Variants in FOXR2 observed in about 807,000 individuals in gnomAD.
The protein encoded by FOXR2 is forkhead box R2.
For missense variants in FOXR2, 234 were observed against 227.1 expected (o/e 1.03, Z -0.20); for synonymous variants, 109 against 84.1 (o/e 1.30, Z -1.62).
chrX:55,623,932 G>C lies in FOXR2; in HGVS notation c.221G>C (p.Cys74Ser), dbSNP rs1399122544. 2.2e-5 allele frequency: 27 copies of C among 1,209,604 alleles called. No individual in the cohort carries two copies. The highest frequency in any genetic ancestry group is 2.5e-5 in the Non-Finnish European group (22 of 895,029). The change falls in exon 1 of 1, where the codon TGT becomes TCT. Residue 74 changes from cysteine (C) to serine (S), a missense_variant. Physicochemically the swap from Cys to Ser is moderately radical, Grantham distance 112. Transcript: ENST00000339140. ...RPSPDGDGPP[C>S]EPNLWMWVDP... ...AGTCCTGATGGAGATGGTCCTCCCTGTGAACCCAATCTGTGGATGTGGGTG... is the reference window on the plus strand; with the variant it reads ...AGTCCTGATGGAGATGGTCCTCCCTCTGAACCCAATCTGTGGATGTGGGTG...
rs1379844729 is a variant in FOXR2 at position 55,624,800 on chromosome X, G to T, written c.*153G>T. 1.1e-5 allele frequency: 5 copies of T among 450,208 alleles called. No individual in the cohort carries two copies. The Admixed American group carries it at 2.1e-4, about 19-fold the overall frequency. The allele number at this position is 450,208 out of a possible 1,213,427, so 37.1% of individuals were successfully genotyped here. Reference sequence around the variant, plus strand: ...TGGTGTTAAGTAAAGTTAGAGGTGGGTACAGGGGAGACAGAACTTAAATCC... The same window carrying T: ...TGGTGTTAAGTAAAGTTAGAGGTGGTTACAGGGGAGACAGAACTTAAATCC... On this transcript the variant is annotated 3_prime_UTR_variant, in exon 1 of 1. Coordinates refer to ENST00000339140, the MANE Select transcript of FOXR2 (RefSeq NM_198451.4).
At position 55,624,807 on chromosome X, in the gene FOXR2, G is replaced by T; in HGVS notation, c.*160G>T. 1 of 441,218 alleles carries T rather than the reference G, an allele frequency of 2.3e-6. No homozygotes were observed. The highest frequency in any genetic ancestry group is 5.4e-5 in the South Asian group (1 of 18,667). The allele number at this position is 441,218 out of a possible 1,213,427, so 36.4% of individuals were successfully genotyped here. A position where few individuals can be genotyped will look rare whatever the true frequency, so the allele number is the denominator to read the frequency against. ...AAGTAAAGTTAGAGGTGGGTACAGGGGAGACAGAACTTAAATCCAGGTGGA... is the reference window on the plus strand; with the variant it reads ...AAGTAAAGTTAGAGGTGGGTACAGGTGAGACAGAACTTAAATCCAGGTGGA... On this transcript the variant is annotated 3_prime_UTR_variant, in exon 1 of 1. Coordinates refer to ENST00000339140, the MANE Select transcript of FOXR2 (RefSeq NM_198451.4).
In FOXR2 at chrX:55,624,279, T is replaced by G; in HGVS notation, c.568T>G (p.Trp190Gly). The G allele has an allele frequency of 8.2e-7, 1 of 1,212,209 alleles. No homozygotes were observed. The highest frequency in any genetic ancestry group is 1.1e-6 in the Non-Finnish European group (1 of 895,613). The stretch of plus-strand genomic sequence containing the variant: ...GCAAATCAACAACCAAGAGAAGTCC[T>G]GGCAAAGGCCCCCTCTCAATTGTAG... ...LWQINNQEKS[W>G]QRPPLNCSHL... The change falls in exon 1 of 1, where the codon TGG becomes GGG. Residue 190 changes from tryptophan (W) to glycine (G), a missense_variant. Transcript: ENST00000339140.
Position 55,625,974 on chromosome X carries a change from C to T in FOXR2, c.*1327C>T, listed in dbSNP as rs2032338394. ...GGGGTACAAAAACGCCTGTAAGCTACAAAAGCAATTAATTCAATATAATTG... is the reference window on the plus strand; with the variant it reads ...GGGGTACAAAAACGCCTGTAAGCTATAAAAGCAATTAATTCAATATAATTG... On this transcript the variant is annotated 3_prime_UTR_variant, in exon 1 of 1. Transcript: ENST00000339140. 9.0e-6 allele frequency among the ~76,000 whole-genome samples: 1 copy of T among 111,202 alleles called. No individual in the cohort carries two copies. Among genetic ancestry groups the T allele is most frequent in the Admixed American group, 9.6e-5 (1 of 10,370 alleles).
Position 55,624,429 on chromosome X carries a change from A to G in FOXR2, c.718A>G (p.Ile240Val). The part of the protein sequence containing the change: ...WTAPDGWKST[I>V]HYNLCFLDSF... ...AGCTCCGGATGGCTGGAAGAGCACC[A>G]TTCATTACAACCTCTGCTTCCTGGA... The change falls in exon 1 of 1, where the codon ATT becomes GTT. Residue 240 changes from isoleucine (I) to valine (V), a missense_variant. Ile to Val is a conservative substitution (Grantham distance 29). Coordinates refer to ENST00000339140, the MANE Select transcript of FOXR2 (RefSeq NM_198451.4). 1 of 1,211,819 alleles carries G rather than the reference A, an allele frequency of 8.3e-7. No individual in the cohort carries two copies. The highest frequency in any genetic ancestry group is 1.8e-5 in the South Asian group (1 of 57,014).
chrX:55,625,416 G>C lies in FOXR2; in HGVS notation c.*769G>C, dbSNP rs946011426. On this transcript the variant is annotated 3_prime_UTR_variant, in exon 1 of 1. Coordinates refer to ENST00000339140, the MANE Select transcript of FOXR2 (RefSeq NM_198451.4). The stretch of plus-strand genomic sequence containing the variant: ...ATAAAAAGCTGAGGGATACTAGTGG[G>C]AGACATATTTATAATGTAAATATGA... 8 of 114,207 alleles carry C rather than the reference G, an allele frequency of 7.0e-5. No individual in the cohort carries two copies. Among genetic ancestry groups the C allele is most frequent in the Non-Finnish European group, 1.3e-4 (7 of 53,195 alleles). 9.4% of individuals were successfully genotyped at this position (114,207 alleles called of 1,213,427 possible).
At position 55,624,158 on chromosome X, in the gene FOXR2, CA is replaced by C. The variant is rs761058333; in HGVS notation, c.448del (p.Ser150ValfsTer23). On this transcript the variant is annotated frameshift_variant, in exon 1 of 1. Transcript: ENST00000339140. LOFTEE classifies it low-confidence loss of function (END_TRUNC). ...PLQKQGIHSP[S>X]DFELTEEEAE... is the part of the protein sequence containing the mutation. ...TACAGAAGCAGGGTATCCATTCCCC[CA>C]GTGACTTTGAGCTCACAGAAGAGGA... 1 of 1,211,886 alleles carries C rather than the reference CA, an allele frequency of 8.3e-7. No homozygotes were observed. The highest frequency in any genetic ancestry group is 2.2e-5 in the Admixed American group (1 of 46,052).
At position 55,624,485 on chromosome X, in the gene FOXR2, G is replaced by A. The variant is rs1160478609; in HGVS notation, c.774G>A (p.Lys258=). 8 of 1,210,590 alleles carry A rather than the reference G, an allele frequency of 6.6e-6. No individual in the cohort carries two copies. Among genetic ancestry groups the A allele is most frequent in the Non-Finnish European group, 8.9e-6 (8 of 895,347 alleles). ...DSFEKVPDSL[K]DEDNARPRSC... is the part of the protein sequence containing the mutation. ...TTGAGAAGGTGCCAGACAGCCTTAA[G>A]GATGAAGATAATGCAAGACCTCGCT... The change falls in exon 1 of 1, where the codon AAG becomes AAA. Residue 258 remains lysine (K), a synonymous_variant. Coordinates refer to ENST00000339140, the MANE Select transcript of FOXR2 (RefSeq NM_198451.4).
Position 55,624,115 on chromosome X carries a change from C to G in FOXR2, c.404C>G (p.Ser135Cys). ...GTGGTAGAGTCTCTGCCATCTTCCTCCAGTGAGCAGTCTCCTTTACAGAAG... is the reference window on the plus strand; with the variant it reads ...GTGGTAGAGTCTCTGCCATCTTCCTGCAGTGAGCAGTCTCCTTTACAGAAG... Reference protein sequence around the residue: ...DKVVESLPSSSSEQSPLQKQG... With the variant: ...DKVVESLPSSCSEQSPLQKQG... Residue 135 changes from serine to cysteine, a missense_variant, in exon 1 of 1, where the codon TCC becomes TGC. By Grantham distance (112) the Ser-to-Cys change is moderately radical. Transcript: ENST00000339140. The G allele has an allele frequency of 8.3e-7, 1 of 1,212,019 alleles. No individual in the cohort carries two copies. Among genetic ancestry groups the G allele is most frequent in the Non-Finnish European group, 1.1e-6 (1 of 895,528 alleles).
rs1328932012 is a variant in FOXR2, at chrX:55,625,590, A to G, written c.*943A>G. 9.0e-6 allele frequency among the ~76,000 whole-genome samples: 1 copy of G among 111,505 alleles called. No individual in the cohort carries two copies. The highest frequency in any genetic ancestry group is 1.9e-5 in the Non-Finnish European group (1 of 53,124). ...AGGCATTACAGAGACAACAATGTGAACAAAGTGGATGGAGTGTTTGGGGGA... is the reference window on the plus strand; with the variant it reads ...AGGCATTACAGAGACAACAATGTGAGCAAAGTGGATGGAGTGTTTGGGGGA... On this transcript the variant is annotated 3_prime_UTR_variant, in exon 1 of 1. Coordinates refer to ENST00000339140, the MANE Select transcript of FOXR2 (RefSeq NM_198451.4).
At position 55,624,631 on chromosome X, in the gene FOXR2, C is replaced by T. The variant is rs2032326164; in HGVS notation, c.920C>T (p.Ser307Phe). 1 of 1,201,732 alleles carries T rather than the reference C, an allele frequency of 8.3e-7. No homozygotes were observed. The highest frequency in any genetic ancestry group is 1.8e-5 in the South Asian group (1 of 56,161). ...ATGAGTCAGCCAGAGTTGTTGACCT[C>T]TCTCTTTGATCTTTGAAATGCCATT... ...ECMSQPELLT[S>F]LFDL is the part of the protein sequence containing the mutation. The change falls in exon 1 of 1, where the codon TCT becomes TTT. Residue 307 changes from serine (S) to phenylalanine (F), a missense_variant. Physicochemically the swap from Ser to Phe is radical, Grantham distance 155. Coordinates refer to ENST00000339140, the MANE Select transcript of FOXR2 (RefSeq NM_198451.4).
In FOXR2 at chrX:55,623,434, G is replaced by A; in HGVS notation, c.-278G>A. 3.5e-6 allele frequency: 1 copy of A among 285,296 alleles called. No homozygotes were observed. The highest frequency in any genetic ancestry group is 6.1e-6 in the Non-Finnish European group (1 of 163,494). The allele number at this position is 285,296 out of a possible 1,213,427, so 23.5% of individuals were successfully genotyped here. A position where few individuals can be genotyped will look rare whatever the true frequency, so the allele number is the denominator to read the frequency against. ...AAGTGACTTTCTGCTTCCAATCAAAGCTCAAGAATTCCACCTAAAAATGTT... is the reference window on the plus strand; with the variant it reads ...AAGTGACTTTCTGCTTCCAATCAAAACTCAAGAATTCCACCTAAAAATGTT... On this transcript the variant is annotated 5_prime_UTR_variant, in exon 1 of 1. Coordinates refer to ENST00000339140, the MANE Select transcript of FOXR2 (RefSeq NM_198451.4).
Position 55,623,792 on chromosome X carries a change from G to A in FOXR2, c.81G>A (p.Arg27=), listed in dbSNP as rs1031371979. The change falls in exon 1 of 1, where the codon AGG becomes AGA. Residue 27 remains arginine, a synonymous_variant. Coordinates refer to ENST00000339140, the MANE Select transcript of FOXR2 (RefSeq NM_198451.4). Reference sequence around the variant, plus strand: ...CAGGGCTGCTGGACTGGGACATGAGGAATGAGTTATTTCTGCCTTGTACCA... The same window carrying A: ...CAGGGCTGCTGGACTGGGACATGAGAAATGAGTTATTTCTGCCTTGTACCA... ...QVPGLLDWDM[R]NELFLPCTTD... 7 of 1,211,277 alleles carry A rather than the reference G, an allele frequency of 5.8e-6. No homozygotes were observed. The highest frequency in any genetic ancestry group is 7.8e-6 in the Non-Finnish European group (7 of 894,895).
At position 55,624,799 on chromosome X, in the gene FOXR2, G is replaced by A. The variant is rs1283492952; in HGVS notation, c.*152G>A. Reference sequence around the variant, plus strand: ...ATGGTGTTAAGTAAAGTTAGAGGTGGGTACAGGGGAGACAGAACTTAAATC... The same window carrying A: ...ATGGTGTTAAGTAAAGTTAGAGGTGAGTACAGGGGAGACAGAACTTAAATC... On this transcript the variant is annotated 3_prime_UTR_variant, in exon 1 of 1. Coordinates refer to ENST00000339140, the MANE Select transcript of FOXR2 (RefSeq NM_198451.4). 1 of 451,975 alleles carries A rather than the reference G, an allele frequency of 2.2e-6. No homozygotes were observed. The highest frequency in any genetic ancestry group is 3.8e-6 in the Non-Finnish European group (1 of 265,452). The allele number at this position is 451,975 out of a possible 1,213,427, so 37.2% of individuals were successfully genotyped here.
rs1287174708 is a variant in FOXR2, at chrX:55,625,947, TGGG to T, written c.*1303_*1305del. Among the ~76,000 whole-genome samples the T allele has an allele frequency of 9.0e-6, 1 of 111,373 alleles. No individual in the cohort carries two copies. On this transcript the variant is annotated 3_prime_UTR_variant, in exon 1 of 1. Coordinates refer to ENST00000339140, the MANE Select transcript of FOXR2 (RefSeq NM_198451.4). The stretch of plus-strand genomic sequence containing the variant: ...AAATTTAGTTGCAAAACCTTCATAA[TGGG>T]GGTACAAAAACGCCTGTAAGCTACA...
rs886617814 is a variant in FOXR2, at chrX:55,625,603, A to G, written c.*956A>G. Among the ~76,000 whole-genome samples, 1 of 111,168 alleles carries G rather than the reference A, an allele frequency of 9.0e-6. No individual in the cohort carries two copies. The highest frequency in any genetic ancestry group is 9.6e-5 in the Admixed American group (1 of 10,415). ...ACAACAATGTGAACAAAGTGGATGG[A>G]GTGTTTGGGGGAATGGCATGAAGTT... On this transcript the variant is annotated 3_prime_UTR_variant, in exon 1 of 1. Transcript: ENST00000339140.
chrX:55,624,673 C>G lies in FOXR2; in HGVS notation c.*26C>G. 3 of 1,088,355 alleles carry G rather than the reference C, an allele frequency of 2.8e-6. No individual in the cohort carries two copies. The highest frequency in any genetic ancestry group is 2.0e-5 in the South Asian group (1 of 49,959). The allele number at this position is 1,088,355 out of a possible 1,213,427, so 89.7% of individuals were successfully genotyped here. ...AATGCCATTGCTCCCTTTTGGAACA[C>G]TGCCTTCCTTACTGTGCCTACTTAT... On this transcript the variant is annotated 3_prime_UTR_variant, in exon 1 of 1. Coordinates refer to ENST00000339140, the MANE Select transcript of FOXR2 (RefSeq NM_198451.4).
Position 55,626,079 on chromosome X carries a change from AC to A in FOXR2, c.*1433del, listed in dbSNP as rs1269813242. ...TTGTATATTTAGGTTAAATCACAAAACAACATATGCAAACAGTATTTTTTGA... is the reference window on the plus strand; with the variant it reads ...TTGTATATTTAGGTTAAATCACAAAAAACATATGCAAACAGTATTTTTTGA... On this transcript the variant is annotated 3_prime_UTR_variant, in exon 1 of 1. Transcript: ENST00000339140. 8.9e-6 allele frequency among the ~76,000 whole-genome samples: 1 copy of A among 111,869 alleles called. No individual in the cohort carries two copies. The highest frequency in any genetic ancestry group is 1.9e-5 in the Non-Finnish European group (1 of 53,196).
In FOXR2 at chrX:55,624,153, TC is replaced by T; in HGVS notation, c.447del (p.Ser150ValfsTer23). On this transcript the variant is annotated frameshift_variant, in exon 1 of 1. Coordinates refer to ENST00000339140, the MANE Select transcript of FOXR2 (RefSeq NM_198451.4). LOFTEE classifies it low-confidence loss of function (END_TRUNC). Reference sequence around the variant, plus strand: ...TCCTTTACAGAAGCAGGGTATCCATTCCCCCAGTGACTTTGAGCTCACAGAA... The same window carrying T: ...TCCTTTACAGAAGCAGGGTATCCATTCCCCAGTGACTTTGAGCTCACAGAA... ...QSPLQKQGIH[S>X]PSDFELTEEE... is the part of the protein sequence containing the mutation. The T allele has an allele frequency of 2.5e-6, 3 of 1,211,698 alleles. No individual in the cohort carries two copies. The highest frequency in any genetic ancestry group is 3.4e-6 in the Non-Finnish European group (3 of 895,468).
Sources: gnomAD v4.1 joint callset for allele counts (sites outside exome capture counted in the v4.1 genomes callset) on GRCh38, gnomAD v4.1.1 for gene constraint, MANE v1.5 for transcripts, NCBI Gene and HGNC (gene_info 2026-07-23, HGNC 2026-07-21) for gene names.